The following SOCS6 variants were observed in gnomAD, a reference collection of about 807,000 sequenced individuals.
The protein encoded by SOCS6 is STAT induced STAT inhibitor-4.
SOCS6 carries 5 observed loss-of-function variants against 27.7 expected under a neutral mutation model. That is an observed-to-expected ratio of 0.18 (90% CI 0.09 to 0.38). The LOEUF is 0.38. Ranked by LOEUF, SOCS6 falls within the 10% of genes least tolerant of loss-of-function variation. The pLI, the probability that SOCS6 is intolerant of heterozygous loss-of-function variation, is 1.00. For synonymous variants in SOCS6, 271 were observed against 260.0 expected (o/e 1.04, Z -0.41); for missense variants, 595 against 688.1 (o/e 0.86, Z 1.51).
chr18:70,297,043 TC>T (rs2062327217), intron 1 of SOCS6, among the ~76,000 whole-genome samples: 1 of 151,902 alleles, frequency 6.6e-6, no homozygotes, highest in Admixed American at 6.6e-5. Context: ...GGAGGGGAGT[TC>T]CCTCAATTTT....
intron 1 of SOCS6, among the ~76,000 whole-genome samples, chr18:70,319,382 T>A (rs1910891177): frequency 6.6e-6 from 1 of 152,196 alleles, no homozygotes; most frequent in Admixed American, 6.5e-5. Context: ...TTCTTTTTGT[T>A]CTCTTAAATT....
chr18:70,313,883 C>T (rs2062400383), intron 1 of SOCS6, among the ~76,000 whole-genome samples: 1 of 152,064 alleles, frequency 6.6e-6, no homozygotes, highest in African/African-American at 2.4e-5. Context: ...TTGATGTTTT[C>T]TTGGGATCTC....
chr18:70,320,942 T>C (rs975512313), intron 1 of SOCS6, among the ~76,000 whole-genome samples: 3 of 152,222 alleles, frequency 2.0e-5, no homozygotes, highest in Admixed American at 1.3e-4. Flanking sequence ...GAAAATGTTA[T>C]TTATGTTAAC....
At position 70,327,883 on chromosome 18, in the gene SOCS6, A is replaced by C. The variant is rs1341056694; in HGVS notation, c.*1607A>C. The C allele has an allele frequency of 6.0e-6, 1 of 166,918 alleles. No homozygotes were observed. Among genetic ancestry groups the C allele is most frequent in the Non-Finnish European group, 1.5e-5 (1 of 68,116 alleles). The allele number at this position is 166,918 out of a possible 1,614,324, so 10.3% of individuals were successfully genotyped here. On this transcript the variant is annotated 3_prime_UTR_variant, in exon 2 of 2. Transcript: ENST00000397942. The stretch of plus-strand genomic sequence containing the variant: ...TCAAACTTACTGGCTTTGTCATTCA[A>C]GCATATCTGAATCCTCACTTTTTTC...
chr18:70,307,848 AT>A (rs2062375758), intron 1 of SOCS6, among the ~76,000 whole-genome samples: 1 of 151,752 alleles, frequency 6.6e-6, no homozygotes, highest in African/African-American at 2.4e-5. Flanking sequence ...TATTTTATTA[AT>A]TTCTACTCTA....
intron 1 of SOCS6, among the ~76,000 whole-genome samples, chr18:70,290,586 T>C (rs1221717404): frequency 6.6e-6 from 1 of 152,220 alleles, no homozygotes; most frequent in African/African-American, 2.4e-5. Context: ...ATATGTGGCC[T>C]TAACCCTTTG....
intron 1 of SOCS6, among the ~76,000 whole-genome samples, chr18:70,323,490 AAAG>A (rs1911064382): frequency 6.6e-6 from 1 of 152,224 alleles, no homozygotes; most frequent in African/African-American, 2.4e-5. Context: ...AATTGCAAAA[AAAG>A]AAGAGTAAGC....
intron 1 of SOCS6, among the ~76,000 whole-genome samples, chr18:70,323,063 C>T (rs909983881): frequency 2.6e-5 from 4 of 152,090 alleles, no homozygotes; most frequent in Admixed American, 1.3e-4. Flanking sequence ...CAGCAGAGGC[C>T]GAGTAGGGGC....
At position 70,306,507 on chromosome 18, in the gene SOCS6, A is replaced by G. The variant is rs1038785437; in HGVS notation, c.-127+17417A>G. Among the ~76,000 whole-genome samples, 271 of 150,502 alleles carry G rather than the reference A, an allele frequency of 1.8e-3. 2 individuals carry two copies. The highest frequency in any genetic ancestry group is 3.4e-3 in the Non-Finnish European group (229 of 67,682). On this transcript the variant is annotated intron_variant, in intron 1 of 1. Coordinates refer to ENST00000397942, the MANE Select transcript of SOCS6 (RefSeq NM_004232.4). ...AAAAAAAAAAAAAAAAAAGAAAGAA[A>G]GCCAAAAACTAAGATTGTGTCAATT...
intron 1 of SOCS6, among the ~76,000 whole-genome samples, chr18:70,321,581 C>T (rs775069728): frequency 6.0e-5 from 9 of 150,274 alleles, no homozygotes; most frequent in East Asian, 3.9e-4. Context: ...TGATCCGCCT[C>T]GGCCTCCCAA....
chr18:70,299,066 G>A (rs555621825), intron 1 of SOCS6, among the ~76,000 whole-genome samples: 39 of 152,262 alleles, frequency 2.6e-4, no homozygotes, highest in African/African-American at 9.4e-4. Context: ...AGCTTACAGC[G>A]AGCCAAGATC....
rs745391394 is a variant in SOCS6 at position 70,329,681 on chromosome 18, A to G, written c.*3405A>G. ...CTTGAAAACTCTAATAAGGAACAAT[A>G]GCCAGTTCCGTAAATAACTTTAAAA... On this transcript the variant is annotated 3_prime_UTR_variant, in exon 2 of 2. Transcript: ENST00000397942. 5.4e-5 allele frequency: 9 copies of G among 167,132 alleles called. No individual in the cohort carries two copies. Among genetic ancestry groups the G allele is most frequent in the Non-Finnish European group, 1.2e-4 (8 of 68,122 alleles). The allele number at this position is 167,132 out of a possible 1,614,324, so 10.4% of individuals were successfully genotyped here.
In SOCS6 at chr18:70,326,775, A is replaced by T. The variant is rs1262018902; in HGVS notation, c.*499A>T. Reference sequence around the variant, plus strand: ...CATATACACTGAAGATGAGTTTTTAATCTCTTACTTTAAAAAGATTTATTT... The same window carrying T: ...CATATACACTGAAGATGAGTTTTTATTCTCTTACTTTAAAAAGATTTATTT... On this transcript the variant is annotated 3_prime_UTR_variant, in exon 2 of 2. Transcript: ENST00000397942. The T allele has an allele frequency of 5.9e-6, 1 of 168,214 alleles. No individual in the cohort carries two copies. The highest frequency in any genetic ancestry group is 1.4e-5 in the Non-Finnish European group (1 of 68,982). 10.4% of individuals were successfully genotyped at this position (168,214 alleles called of 1,614,324 possible).
intron 1 of SOCS6, among the ~76,000 whole-genome samples, chr18:70,314,486 C>A (rs1403642734): frequency 1.3e-5 from 2 of 152,146 alleles, no homozygotes; most frequent in African/African-American, 2.4e-5. Context: ...CAAATACTTA[C>A]CACTGTGTTA....
intron 1 of SOCS6, among the ~76,000 whole-genome samples, 191 bp from the exon 2 acceptor site, chr18:70,324,352 A>G (rs953679495): frequency 6.6e-6 from 1 of 150,416 alleles, no homozygotes; most frequent in Non-Finnish European, 1.5e-5. Context: ...TACTTGCCAA[A>G]TGCTCATTGT....
intron 1 of SOCS6, among the ~76,000 whole-genome samples, chr18:70,308,642 C>G (rs2062378587): frequency 6.6e-6 from 1 of 152,140 alleles, no homozygotes; most frequent in Non-Finnish European, 1.5e-5. Flanking sequence ...TTTGTTCCAT[C>G]ATTTATGAAA....
chr18:70,313,619 A>G (rs999518011), intron 1 of SOCS6, among the ~76,000 whole-genome samples: 1 of 152,176 alleles, frequency 6.6e-6, no homozygotes, highest in African/African-American at 2.4e-5. Context: ...ACTCATCATC[A>G]TTCATTGATA....
chr18:70,324,179 G>A (rs974608396), intron 1 of SOCS6, among the ~76,000 whole-genome samples: 1 of 152,058 alleles, frequency 6.6e-6, no homozygotes, highest in African/African-American at 2.4e-5. Flanking sequence ...GTGGGCGTCT[G>A]TAGTCCCAGC....
At chr18:70,290,663 G>A (rs1190045363) in intron 1 of SOCS6, among the ~76,000 whole-genome samples, 2 of 152,208 alleles carry the variant, frequency 1.3e-5, no homozygotes, top group African/African-American at 4.8e-5. Context: ...CAGTGGATTT[G>A]ATAAGGATTC....
Sources: allele counts gnomAD v4.1 joint callset (sites outside exome capture counted in the v4.1 genomes callset), GRCh38; gene constraint gnomAD v4.1.1; transcripts MANE v1.5; gene names NCBI Gene and HGNC (gene_info 2026-07-23, HGNC 2026-07-21).